UNC5C: variants seen among roughly 807,000 people sequenced by gnomAD.
The protein encoded by UNC5C is unc-5 netrin receptor C, also known as netrin receptor UNC5C.
Under a neutral mutation model 99.8 loss-of-function variants are expected in UNC5C, and 47 were observed. That is an observed-to-expected ratio of 0.47 (90% CI 0.37 to 0.60). The LOEUF (loss-of-function observed/expected upper bound fraction) is 0.60, where lower values mean the gene tolerates loss of function less well. Ranked by LOEUF, UNC5C falls within the 20% of genes least tolerant of loss-of-function variation. UNC5C has a pLI of 0.00. For missense variants in UNC5C, 1,062 were observed against 1,165.9 expected (o/e 0.91, Z 1.30); for synonymous variants, 487 against 452.2 (o/e 1.08, Z -0.98).
chr4:95,542,017 TATAGCTCTC>T (rs1039392540), intron 1 of UNC5C, among the ~76,000 whole-genome samples: 6 of 152,140 alleles, frequency 3.9e-5, no homozygotes, highest in Non-Finnish European at 8.8e-5. Flanking sequence ...GAGGCATTTT[TATAGCTCTC>T]ATAATTGCTG....
chr4:95,169,471 C>T (rs532550745), intron 15 of UNC5C, 72 bp from the exon 16 acceptor site: 12 of 1,535,056 alleles, frequency 7.8e-6, no homozygotes, highest in African/African-American at 5.5e-5. Flanking sequence ...CTAAACCTTT[C>T]TGTCTCTCTA....
chr4:95,315,943 C>T (rs866637577), intron 2 of UNC5C, among the ~76,000 whole-genome samples: 14 of 152,022 alleles, frequency 9.2e-5, no homozygotes, highest in African/African-American at 3.4e-4. Context: ...CTTTTTACTT[C>T]CAAGTTGGAA....
chr4:95,344,292 T>A (rs564953765), intron 1 of UNC5C, among the ~76,000 whole-genome samples: 1 of 152,122 alleles, frequency 6.6e-6, no homozygotes, highest in South Asian at 2.1e-4. Flanking sequence ...GCCTGCCATA[T>A]TTAAAGTGCT....
In UNC5C at chr4:95,328,062, ATTT is replaced by A. The variant is rs71583698; in HGVS notation, c.346+7345_346+7347del. 2.8e-3 allele frequency among the ~76,000 whole-genome samples: 246 copies of A among 86,730 alleles called. 2 individuals are homozygous for A. Among genetic ancestry groups the A allele is most frequent in the African/African-American group, 4.8e-3 (123 of 25,528 alleles). The allele number at this position is 86,730 out of a possible 152,430, so 56.9% of individuals were successfully genotyped here. A position where few individuals can be genotyped will look rare whatever the true frequency, so the allele number is the denominator to read the frequency against. On this transcript the variant is annotated intron_variant, in intron 2 of 15. Coordinates refer to ENST00000453304, the MANE Select transcript of UNC5C (RefSeq NM_003728.4). ...CTTCTTTTTTTTTTTTTTTTTTTTA[ATTT>A]TTTTTTTTTTTTATTATACTTTAAG...
intron 1 of UNC5C, among the ~76,000 whole-genome samples, chr4:95,466,590 A>C (rs1747785954): frequency 6.6e-6 from 1 of 152,002 alleles, no homozygotes; most frequent in African/African-American, 2.4e-5. Flanking sequence ...GAAGACATTA[A>C]TTAATTAATT....
chr4:95,447,167 G>A (rs1342712764), intron 1 of UNC5C, among the ~76,000 whole-genome samples: 2 of 152,090 alleles, frequency 1.3e-5, no homozygotes, highest in African/African-American at 4.8e-5. Flanking sequence ...TGAAGAGCTA[G>A]AGATTAGAAA....
intron 1 of UNC5C, among the ~76,000 whole-genome samples, chr4:95,465,968 T>C (rs1275573094): frequency 6.6e-6 from 1 of 152,152 alleles, no homozygotes; most frequent in Non-Finnish European, 1.5e-5. Flanking sequence ...CTTTCCAAGG[T>C]ATATAGCGAC....
At chr4:95,197,537 G>C (rs1312721296) in intron 12 of UNC5C, among the ~76,000 whole-genome samples, 1 of 152,116 alleles carries the variant, frequency 6.6e-6, no homozygotes, top group Non-Finnish European at 1.5e-5. Context: ...GAAGTAAAAG[G>C]TTTGGAGGGT....
chr4:95,185,062 C>A lies in UNC5C; in HGVS notation c.2271G>T (p.Leu757Phe), dbSNP rs1397402100. Residue 757 changes from leucine to phenylalanine, a missense_variant, in exon 13 of 16, where the codon TTG becomes TTT. Physicochemically the swap from Leu to Phe is conservative, Grantham distance 22. Around this residue, in one of 3 missense-constraint regions of UNC5C, gnomAD observed 810 missense variants for 854.5 expected, o/e 0.95. Transcript: ENST00000453304. The part of the protein sequence containing the change: ...DIAHSLWKSK[L>F]LAKYQEIPFY... ...GGAACCTTACCTGATATTTAGCCAG[C>A]AATTTGCTCTTCCAGAGGGAATGGG... 1 of 1,611,380 alleles carries A rather than the reference C, an allele frequency of 6.2e-7. No individual in the cohort carries two copies.
intron 3 of UNC5C, among the ~76,000 whole-genome samples, chr4:95,295,895 G>T (rs534049543): frequency 6.6e-6 from 1 of 152,234 alleles, no homozygotes; most frequent in South Asian, 2.1e-4. Flanking sequence ...GACCAGCCTG[G>T]GCAACATGGA....
chr4:95,301,251 A>G (rs941577783), intron 3 of UNC5C, among the ~76,000 whole-genome samples: 4 of 135,776 alleles, frequency 2.9e-5, no homozygotes, highest in African/African-American at 5.5e-5. Context: ...GCTGGAGTGC[A>G]GTGGCATAAT....
intron 1 of UNC5C, among the ~76,000 whole-genome samples, chr4:95,464,086 G>T (rs181095550): frequency 2.6e-5 from 4 of 152,126 alleles, no homozygotes; most frequent in Admixed American, 2.6e-4. Context: ...TATTCACAAG[G>T]TACCATTTCT....
At chr4:95,367,367 C>G (rs999896383) in intron 1 of UNC5C, among the ~76,000 whole-genome samples, 3 of 151,790 alleles carry the variant, frequency 2.0e-5, no homozygotes, top group Non-Finnish European at 4.4e-5. Flanking sequence ...TCCTTAGAGA[C>G]TGGGTTTCGC....
intron 1 of UNC5C, among the ~76,000 whole-genome samples, chr4:95,356,538 C>A (rs1412875109): frequency 1.3e-5 from 2 of 152,096 alleles, no homozygotes; most frequent in African/African-American, 2.4e-5. Context: ...TTTAAGTGAG[C>A]TGATGGATTG....
chr4:95,332,656 C>T (rs994930155), intron 2 of UNC5C, among the ~76,000 whole-genome samples: 5 of 150,340 alleles, frequency 3.3e-5, no homozygotes, highest in African/African-American at 1.2e-4. Context: ...AGGACATAGG[C>T]ATGGGCAAGG....
At chr4:95,382,449 A>G (rs1745098886) in intron 1 of UNC5C, among the ~76,000 whole-genome samples, 1 of 129,794 alleles carries the variant, frequency 7.7e-6, no homozygotes, top group Admixed American at 7.5e-5. Context: ...ACAGAGTGAG[A>G]CCGTCTGTCA....
rs546152354 is a variant in UNC5C at position 95,187,908 on chromosome 4, C to T, written c.2137-2712G>A. Among the ~76,000 whole-genome samples, 5 of 152,230 alleles carry T rather than the reference C, an allele frequency of 3.3e-5. No homozygotes were observed. In the East Asian group the frequency reaches 7.7e-4, roughly 24 times the overall value. On this transcript the variant is annotated intron_variant, in intron 12 of 15. Transcript: ENST00000453304. ...AAACCCTGGGGAAAGACAAACTGCC[C>T]ATCAGGACACACCCATGCTTAGAGC... is the stretch of plus-strand genomic sequence containing the variant.
At position 95,163,741 on chromosome 4, in the gene UNC5C, A is replaced by G. The variant is rs1312178394; in HGVS notation, c.*5493T>C. The stretch of plus-strand genomic sequence containing the variant: ...TGGGCAGCTGACTATATCTCAGGGT[A>G]GCTTCCTTGTTTCTACTCAGAAGCT... On this transcript the variant is annotated 3_prime_UTR_variant, in exon 16 of 16. Coordinates refer to ENST00000453304, the MANE Select transcript of UNC5C (RefSeq NM_003728.4). 6.6e-6 allele frequency: 1 copy of G among 152,206 alleles called. No individual in the cohort carries two copies. Among genetic ancestry groups the G allele is most frequent in the Non-Finnish European group, 1.5e-5 (1 of 68,022 alleles). 9.4% of individuals were successfully genotyped at this position (152,206 alleles called of 1,614,324 possible).
chr4:95,224,275 C>G (rs1213180444), intron 7 of UNC5C, among the ~76,000 whole-genome samples: 1 of 152,102 alleles, frequency 6.6e-6, no homozygotes, highest in Non-Finnish European at 1.5e-5. Flanking sequence ...AGAGCGAGAT[C>G]TGTCTCAAAA....
Sources: allele counts gnomAD v4.1 joint callset (sites outside exome capture counted in the v4.1 genomes callset), GRCh38; gene constraint gnomAD v4.1.1; regional missense constraint gnomAD v4.1.1; transcripts MANE v1.5; gene names NCBI Gene and HGNC (gene_info 2026-07-23, HGNC 2026-07-21).